The following IPO11 variants were observed in gnomAD, a reference collection of about 807,000 sequenced individuals.
IPO11 encodes the protein importin 11, also known as importin-11.
IPO11 carries 66 observed loss-of-function variants against 143.2 expected under a neutral mutation model. The observed-to-expected ratio is 0.46, with a 90% CI of 0.38 to 0.57. The LOEUF is 0.57. Among genes scored for constraint, IPO11 ranks in the 20% least tolerant of loss-of-function variants. IPO11 has a pLI of 0.00. For synonymous variants in IPO11, 385 were observed against 377.8 expected (o/e 1.02, Z -0.22); for missense variants, 1,026 against 1,141.0 (o/e 0.90, Z 1.45).
At chr5:62,445,951 A>G (rs922044611) in intron 3 of IPO11, among the ~76,000 whole-genome samples, 1 of 152,196 alleles carries the variant, frequency 6.6e-6, no homozygotes, top group African/African-American at 2.4e-5. Flanking sequence ...TTGGCATAAA[A>G]GAAAAGTTCA....
At chr5:62,574,970 CATAA>C (rs977348811) in intron 27 of IPO11, among the ~76,000 whole-genome samples, 2 of 152,184 alleles carry the variant, frequency 1.3e-5, no homozygotes, top group African/African-American at 2.4e-5. Context: ...TTTTTATTCT[CATAA>C]ATAGATTTGC....
intron 5 of IPO11, among the ~76,000 whole-genome samples, chr5:62,456,274 A>G (rs1184735142): frequency 6.6e-6 from 1 of 152,268 alleles, no homozygotes; most frequent in Non-Finnish European, 1.5e-5. Flanking sequence ...TAATGCTGGG[A>G]TCACAGGCGT....
chr5:62,558,159 CAG>C (rs1311692116), intron 26 of IPO11, among the ~76,000 whole-genome samples: 4 of 152,240 alleles, frequency 2.6e-5, no homozygotes, highest in South Asian at 4.1e-4. Context: ...AATTAGCAAA[CAG>C]GGTAAAAAAT....
chr5:62,530,061 ACTTATTAGC>A (rs1259378290), intron 21 of IPO11, among the ~76,000 whole-genome samples: 1 of 152,200 alleles, frequency 6.6e-6, no homozygotes, highest in Admixed American at 6.5e-5. Context: ...AGTTTTACTA[ACTTATTAGC>A]CTAGTTTCCC....
intron 5 of IPO11, among the ~76,000 whole-genome samples, chr5:62,459,410 A>AAATT (rs1745279944): frequency 1.3e-5 from 2 of 152,006 alleles, no homozygotes; most frequent in Non-Finnish European, 2.9e-5. Context: ...ATAAATAAAT[A>AAATT]AATATTAGTT....
At chr5:62,514,108 C>T (rs1273260712) in intron 19 of IPO11, among the ~76,000 whole-genome samples, 1 of 143,822 alleles carries the variant, frequency 7.0e-6, no homozygotes, top group Non-Finnish European at 1.5e-5. Context: ...ACTTTCCAGA[C>T]TGGGCAGCCA....
chr5:62,584,148 A>G (rs780805883), intron 27 of IPO11, among the ~76,000 whole-genome samples: 6 of 152,196 alleles, frequency 3.9e-5, no homozygotes, highest in East Asian at 1.9e-4. Flanking sequence ...TATAATTCCA[A>G]TGTGGAATTT....
At chr5:62,590,520 G>A (rs1446488827) in intron 27 of IPO11, among the ~76,000 whole-genome samples, 2 of 152,128 alleles carry the variant, frequency 1.3e-5, no homozygotes, top group Non-Finnish European at 2.9e-5. Flanking sequence ...TGTATAAATA[G>A]CGTAATTATG....
intron 5 of IPO11, among the ~76,000 whole-genome samples, chr5:62,466,773 C>T (rs976327030): frequency 6.6e-6 from 1 of 152,168 alleles, no homozygotes. Flanking sequence ...TACTCAGTGA[C>T]AGTCCATAAA....
intron 20 of IPO11, among the ~76,000 whole-genome samples, chr5:62,519,021 AT>A (rs1561346015): frequency 2.0e-5 from 3 of 152,164 alleles, no homozygotes; most frequent in Non-Finnish European, 4.4e-5. Flanking sequence ...TACATGGCCA[AT>A]TCCCTGTGTC....
chr5:62,570,798 C>T (rs890425701), intron 27 of IPO11, among the ~76,000 whole-genome samples: 8 of 152,170 alleles, frequency 5.3e-5, no homozygotes, highest in South Asian at 4.1e-4. Context: ...ACACTGAGTG[C>T]GCTTAGCTAA....
chr5:62,426,138 G>A (rs1378997642), intron 1 of IPO11, among the ~76,000 whole-genome samples: 2 of 152,180 alleles, frequency 1.3e-5, no homozygotes, highest in African/African-American at 4.8e-5. Context: ...TGTAATCCCA[G>A]CACTTTGGGA....
At chr5:62,454,157 T>G (rs888842347) in intron 5 of IPO11, among the ~76,000 whole-genome samples, 2 of 151,770 alleles carry the variant, frequency 1.3e-5, no homozygotes, top group African/African-American at 4.9e-5. Flanking sequence ...AATAAATAAA[T>G]AGCCAGTCTT....
At chr5:62,529,437 A>G (rs2112310979) in intron 21 of IPO11, among the ~76,000 whole-genome samples, 1 of 152,270 alleles carries the variant, frequency 6.6e-6, no homozygotes, top group South Asian at 2.1e-4. Context: ...GGGGAATTCC[A>G]CTATTAATGC....
At chr5:62,608,514 C>G (rs771703313) in intron 29 of IPO11, among the ~76,000 whole-genome samples, 14 of 152,200 alleles carry the variant, frequency 9.2e-5, no homozygotes, top group Admixed American at 2.6e-4. Flanking sequence ...GTCCTGTATT[C>G]TCATTCTATC....
intron 11 of IPO11, among the ~76,000 whole-genome samples, chr5:62,485,041 T>TGTGA (rs1746349710): frequency 2.0e-5 from 3 of 152,052 alleles, no homozygotes; most frequent in Non-Finnish European, 4.4e-5. Context: ...TTATGGAGAG[T>TGTGA]GTGAGTAATC....
At chr5:62,418,867 C>T (rs1202915704) in intron 1 of IPO11, 3 of 868,092 alleles carry the variant, frequency 3.5e-6, no homozygotes, top group Admixed American at 2.8e-5. Context: ...TATGCCTGTG[C>T]AGGGGTTTCT....
At chr5:62,512,072 G>A (rs2112275217) in intron 19 of IPO11, among the ~76,000 whole-genome samples, 1 of 152,350 alleles carries the variant, frequency 6.6e-6, no homozygotes, top group South Asian at 2.1e-4. Context: ...TATGGTGGAG[G>A]TGGCTCTACT....
intron 1 of IPO11, among the ~76,000 whole-genome samples, chr5:62,431,940 CA>C (rs1744002787): frequency 1.3e-5 from 1 of 78,420 alleles, no homozygotes; most frequent in Non-Finnish European, 3.3e-5. Flanking sequence ...GACTCACATA[CA>C]TACATACATA....
Sources: allele counts gnomAD v4.1 joint callset (sites outside exome capture counted in the v4.1 genomes callset), GRCh38; gene constraint gnomAD v4.1.1; transcripts MANE v1.5; gene names NCBI Gene and HGNC (gene_info 2026-07-23, HGNC 2026-07-21).